The following ZNF41 variants were observed in gnomAD, a reference collection of about 807,000 sequenced individuals.
The protein encoded by ZNF41 is zinc finger protein 41.
A neutral mutation model predicts 9.3 loss-of-function variants in ZNF41; 6 were observed. The observed-to-expected ratio is 0.65, with a 90% CI of 0.35 to 1.28. The LOEUF is 1.28. Ranked by LOEUF, ZNF41 falls within the 50% of genes most tolerant of loss-of-function variation. The pLI, the probability that ZNF41 is intolerant of heterozygous loss-of-function variation, is 0.03. For synonymous variants in ZNF41, 192 were observed against 207.1 expected, an observed-to-expected ratio of 0.93 and a Z score of 0.63; for missense variants, 523 against 585.8, an observed-to-expected ratio of 0.89 and a Z score of 1.11.
chrX:47,467,734 C>T lies in ZNF41; in HGVS notation c.-253G>A. On this transcript the variant is annotated 5_prime_UTR_variant, in exon 2 of 5. Coordinates refer to ENST00000684689, the MANE Select transcript of ZNF41 (RefSeq NM_001324144.2). ...CACTCACAAATGTTTTCTGGTGGTG[C>T]CCAGGGGCCGCTCACTGTGCTGGAT... 2.4e-6 allele frequency: 1 copy of T among 421,487 alleles called. No homozygotes were observed. The highest frequency in any genetic ancestry group is 4.1e-5 in the Admixed American group (1 of 24,181). The allele number at this position is 421,487 out of a possible 1,213,427, so 34.7% of individuals were successfully genotyped here.
At chrX:47,477,339 TC>T (rs1313727269) in intron 1 of ZNF41, among the ~76,000 whole-genome samples, 1 of 110,554 alleles carries the variant, frequency 9.0e-6, no homozygotes, top group Non-Finnish European at 1.9e-5. Flanking sequence ...AGATGGTGTT[TC>T]ACCATGTTGG....
intron 1 of ZNF41, among the ~76,000 whole-genome samples, chrX:47,473,636 G>T (rs1423817888): frequency 8.9e-6 from 1 of 111,894 alleles, no homozygotes; most frequent in South Asian, 3.7e-4. Context: ...AGGAACTCAG[G>T]AAATTTATTT....
chrX:47,456,350 ACTC>A lies in ZNF41; in HGVS notation c.118_120del (p.Glu40del). ...CTCTGGGCAGGGTCCAAGTGCTGCC[ACTC>A]CTCCTTGCTGAAGTCCACAGTCACG... On this transcript the variant is annotated inframe_deletion, in exon 3 of 5. Coordinates refer to ENST00000684689, the MANE Select transcript of ZNF41 (RefSeq NM_001324144.2). 3 of 1,211,065 alleles carry A rather than the reference ACTC, an allele frequency of 2.5e-6. No individual in the cohort carries two copies. In the South Asian group the frequency reaches 5.3e-5, roughly 21 times the overall value.
At chrX:47,450,200 G>GTTTC (rs755713428) in intron 4 of ZNF41, among the ~76,000 whole-genome samples, 5 of 111,069 alleles carry the variant, frequency 4.5e-5, no homozygotes, top group African/African-American at 6.5e-5. Flanking sequence ...CCAGCTGCAA[G>GTTTC]TTTCTTTCTT....
At chrX:47,461,104 T>C (rs4282694) in intron 2 of ZNF41, among the ~76,000 whole-genome samples, 2,486 of 108,831 alleles carry the variant, frequency 0.023, 73 homozygotes, top group African/African-American at 0.078. Flanking sequence ...CTTTTCTTTT[T>C]TTTTTTTTTT....
rs1405898194 is a variant in ZNF41, at chrX:47,445,268, A to G, written c.*2162T>C. Among the ~76,000 whole-genome samples, 1 of 111,723 alleles carries G rather than the reference A, an allele frequency of 9.0e-6. No individual in the cohort carries two copies. The highest frequency in any genetic ancestry group is 3.3e-5 in the African/African-American group (1 of 30,715). On this transcript the variant is annotated 3_prime_UTR_variant, in exon 5 of 5. Transcript: ENST00000684689. ...CTTCACATGTACTAGGATAGCTATAATAAAAAAGACTAATAATAATAAGAG... is the reference window on the plus strand; with the variant it reads ...CTTCACATGTACTAGGATAGCTATAGTAAAAAAGACTAATAATAATAAGAG...
chrX:47,455,110 T>A (rs970422423), intron 4 of ZNF41, among the ~76,000 whole-genome samples: 6 of 109,573 alleles, frequency 5.5e-5, no homozygotes, highest in Admixed American at 3.9e-4. Context: ...CTGGGTGTGG[T>A]GGCGCATGCC....
chrX:47,462,814 G>T (rs965448051), intron 2 of ZNF41, among the ~76,000 whole-genome samples: 1 of 108,887 alleles, frequency 9.2e-6, no homozygotes, highest in African/African-American at 3.4e-5. Flanking sequence ...CTGGAGTGCA[G>T]TGGCACAATC....
intron 4 of ZNF41, among the ~76,000 whole-genome samples, chrX:47,453,021 T>C (rs768553706): frequency 8.9e-5 from 10 of 112,620 alleles, no homozygotes; most frequent in Non-Finnish European, 1.9e-4. Flanking sequence ...ATGTTGTACA[T>C]GATAAATACA....
chrX:47,468,197 A>T (rs12389593), intron 1 of ZNF41, among the ~76,000 whole-genome samples: 1,683 of 111,265 alleles, frequency 0.015, 27 homozygotes, highest in African/African-American at 0.052. Context: ...ATAAGGGGGA[A>T]GGACAAGGAT....
Position 47,467,570 on chromosome X carries a change from A to C in ZNF41, c.-89T>G. The C allele has an allele frequency of 2.8e-6, 3 of 1,088,511 alleles. No homozygotes were observed. The highest frequency in any genetic ancestry group is 3.7e-6 in the Non-Finnish European group (3 of 805,772). The allele number at this position is 1,088,511 out of a possible 1,213,427, so 89.7% of individuals were successfully genotyped here. A position where few individuals can be genotyped will look rare whatever the true frequency, so the allele number is the denominator to read the frequency against. On this transcript the variant is annotated 5_prime_UTR_variant, in exon 2 of 5. Coordinates refer to ENST00000684689, the MANE Select transcript of ZNF41 (RefSeq NM_001324144.2). ...AGCTGAGCTGGCATCTGTGGACTCA[A>C]CCGGAGCTGCTGGGGCGAGGCAAGC...
At chrX:47,465,612 C>T (rs1054673003) in intron 2 of ZNF41, among the ~76,000 whole-genome samples, 4 of 110,398 alleles carry the variant, frequency 3.6e-5, no homozygotes, top group Admixed American at 9.7e-5. Context: ...TTCCAGCACT[C>T]GGGGAGGCCA....
chrX:47,459,498 T>C (rs746294596), intron 2 of ZNF41, among the ~76,000 whole-genome samples: 1 of 109,380 alleles, frequency 9.1e-6, no homozygotes, highest in Non-Finnish European at 1.9e-5. Context: ...ACCCCAGCAC[T>C]TTGGGAGGCT....
chrX:47,468,739 C>T (rs2057072520), intron 1 of ZNF41, among the ~76,000 whole-genome samples: 1 of 111,633 alleles, frequency 9.0e-6, no homozygotes, highest in Non-Finnish European at 1.9e-5. Context: ...CTTGTAATCC[C>T]TGTGAATCCC....
chrX:47,475,637 T>G (rs908425347), intron 1 of ZNF41, among the ~76,000 whole-genome samples: 3 of 111,700 alleles, frequency 2.7e-5, no homozygotes, highest in African/African-American at 9.7e-5. Flanking sequence ...ACAGGCTGTG[T>G]TCTTACACTG....
At chrX:47,459,609 T>C (rs1163101073) in intron 2 of ZNF41, among the ~76,000 whole-genome samples, 1 of 107,145 alleles carries the variant, frequency 9.3e-6, no homozygotes, top group African/African-American at 3.4e-5. Flanking sequence ...CCAGGCATGG[T>C]TGCGTGTGCC....
Position 47,467,693 on chromosome X carries a change from G to T in ZNF41, c.-212C>A. On this transcript the variant is annotated 5_prime_UTR_variant, in exon 2 of 5. Transcript: ENST00000684689. ...ACCCTGGAAAGACAGTGTCCACATGGTCATCACTCCACGTTCACTCACAAA... is the reference window on the plus strand; with the variant it reads ...ACCCTGGAAAGACAGTGTCCACATGTTCATCACTCCACGTTCACTCACAAA... 4.5e-6 allele frequency: 2 copies of T among 447,280 alleles called. No homozygotes were observed. The highest frequency in any genetic ancestry group is 3.9e-6 in the Non-Finnish European group (1 of 258,769). The allele number at this position is 447,280 out of a possible 1,213,427, so 36.9% of individuals were successfully genotyped here. A position where few individuals can be genotyped will look rare whatever the true frequency, so the allele number is the denominator to read the frequency against.
chrX:47,466,760 C>T (rs1034164031), intron 2 of ZNF41, among the ~76,000 whole-genome samples: 5 of 110,703 alleles, frequency 4.5e-5, no homozygotes, highest in South Asian at 7.7e-4. Flanking sequence ...CTCAAGCAAT[C>T]CACCCACCTC....
rs2056232770 is a variant in ZNF41, at chrX:47,448,770, T to C, written c.1000A>G (p.Lys334Glu). 1.7e-6 allele frequency: 2 copies of C among 1,211,889 alleles called. No homozygotes were observed. The highest frequency in any genetic ancestry group is 2.2e-6 in the Non-Finnish European group (2 of 895,567). Residue 334 changes from lysine to glutamate, a missense_variant, in exon 5 of 5, where the codon AAA (lysine) becomes GAA (glutamate). Lys to Glu is a moderately conservative substitution (Grantham distance 56, BLOSUM62 1). Coordinates refer to ENST00000684689, the MANE Select transcript of ZNF41 (RefSeq NM_001324144.2). The part of the protein sequence containing the change: ...EKPYLCTQCG[K>E]VFTLKSNLIT... ...AGGTTTGATTTGAGGGTAAAGACTT[T>C]CCCACATTGAGTACACAGATAGGGT...
Sources: allele counts gnomAD v4.1 joint callset (sites outside exome capture counted in the v4.1 genomes callset), GRCh38; gene constraint gnomAD v4.1.1; transcripts MANE v1.5; gene names NCBI Gene and HGNC (gene_info 2026-07-23, HGNC 2026-07-21).